MEIS2: variants seen among roughly 807,000 people sequenced by gnomAD.
MEIS2 encodes Meis homeobox 2, also known as homeobox protein Meis2.
Under a neutral mutation model 58.6 loss-of-function variants are expected in MEIS2, and 9 were observed. The observed-to-expected ratio is 0.15, with a 90% CI of 0.09 to 0.27. The LOEUF is 0.27. MEIS2 is among the 10% of genes least tolerant of loss of function. MEIS2 has a pLI of 1.00. For synonymous variants in MEIS2, 221 were observed against 228.4 expected (o/e 0.97, Z 0.29); for missense variants, 427 against 635.0 (o/e 0.67, Z 3.52).
At chr15:37,034,108 G>A (rs999085168) in intron 8 of MEIS2, among the ~76,000 whole-genome samples, 1 of 152,044 alleles carries the variant, frequency 6.6e-6, no homozygotes, top group African/African-American at 2.4e-5. Flanking sequence ...TTAGTGAAAA[G>A]CAAAAGCAAA....
intron 9 of MEIS2, among the ~76,000 whole-genome samples, chr15:36,944,369 G>C (rs1384270299): frequency 6.6e-6 from 1 of 152,066 alleles, no homozygotes; most frequent in African/African-American, 2.4e-5. Context: ...GAGACAGAAT[G>C]ACTGGAAACT....
chr15:36,892,467 TAGAG>T lies in MEIS2; in HGVS notation c.1148-12_1148-9del. 1.9e-6 allele frequency: 3 copies of T among 1,588,944 alleles called. No individual in the cohort carries two copies. The highest frequency in any genetic ancestry group is 2.2e-5 in the South Asian group (2 of 89,434). On this transcript the variant is annotated splice_polypyrimidine_tract_variant and intron_variant, in intron 11 of 11. Transcript: ENST00000561208. ...CTGGCATGCTCTGCAAACCTGAAAA[TAGAG>T]AGGGAAAAAGAAAGCGGGTCAAATT...
chr15:37,097,958 T>G lies in MEIS2; in HGVS notation c.245+9A>C. The G allele has an allele frequency of 1.9e-6, 3 of 1,566,334 alleles. No homozygotes were observed. The highest frequency in any genetic ancestry group is 1.7e-6 in the Non-Finnish European group (2 of 1,150,758). ...CACACAGTAAGCTGGGTCCGGGGGG[T>G]CAGTTTACCCATAGATCGCGTCCTT... On this transcript the variant is annotated intron_variant, in intron 2 of 11. Transcript: ENST00000561208.
At chr15:36,966,266 AG>A (rs150636450) in intron 8 of MEIS2, among the ~76,000 whole-genome samples, 2 of 152,292 alleles carry the variant, frequency 1.3e-5, no homozygotes, top group South Asian at 4.1e-4. Context: ...TAGGGGGAGA[AG>A]GGGGAAGTAA....
chr15:36,895,358 A>G, intron 10 of MEIS2, 97 bp from the exon 11 acceptor site: 1 of 1,050,250 alleles, frequency 9.5e-7, no homozygotes, highest in African/African-American at 1.6e-5. Context: ...CGTTATAGCA[A>G]CAATGTGGTT....
At chr15:36,919,526 G>C (rs975777491) in intron 9 of MEIS2, among the ~76,000 whole-genome samples, 1 of 150,562 alleles carries the variant, frequency 6.6e-6, no homozygotes, top group Non-Finnish European at 1.5e-5. Flanking sequence ...TGTGGGAGTC[G>C]AGATTGCGCC....
At chr15:36,968,913 A>T (rs936153970) in intron 8 of MEIS2, among the ~76,000 whole-genome samples, 48 of 152,238 alleles carry the variant, frequency 3.2e-4, no homozygotes, top group African/African-American at 1.1e-3. Context: ...CTCAGTAAAA[A>T]AGTATCTATT....
chr15:37,093,885 T>C, intron 5 of MEIS2, 155 bp from the exon 6 acceptor site: 1 of 884,324 alleles, frequency 1.1e-6, no homozygotes, highest in South Asian at 1.7e-5. Flanking sequence ...AAGGGTGTAA[T>C]AGTTGAAGGC....
At chr15:36,967,815 G>C (rs1370376943) in intron 8 of MEIS2, among the ~76,000 whole-genome samples, 1 of 151,964 alleles carries the variant, frequency 6.6e-6, no homozygotes, top group Non-Finnish European at 1.5e-5. Flanking sequence ...TCTATACACT[G>C]TGTTTCCCAG....
intron 8 of MEIS2, among the ~76,000 whole-genome samples, chr15:37,013,683 G>T (rs2061247034): frequency 1.3e-5 from 2 of 150,874 alleles, no homozygotes; most frequent in Non-Finnish European, 3.0e-5. Flanking sequence ...CAGAGCTTTG[G>T]CAATGAAATA....
intron 7 of MEIS2, among the ~76,000 whole-genome samples, chr15:37,039,685 G>T (rs1339852525): frequency 6.6e-6 from 1 of 152,088 alleles, no homozygotes; most frequent in Non-Finnish European, 1.5e-5. Flanking sequence ...GAAGACAGGA[G>T]CATCACATAA....
chr15:37,085,560 A>C (rs1230061060), intron 6 of MEIS2, among the ~76,000 whole-genome samples: 1 of 152,216 alleles, frequency 6.6e-6, no homozygotes, highest in African/African-American at 2.4e-5. Flanking sequence ...AATAATCCAG[A>C]GCTCTATGGA....
intron 9 of MEIS2, among the ~76,000 whole-genome samples, chr15:36,931,690 A>G (rs1307509869): frequency 6.6e-6 from 1 of 152,226 alleles, no homozygotes; most frequent in African/African-American, 2.4e-5. Context: ...CTTCCTAATT[A>G]ACGACAAATT....
chr15:36,981,704 T>C (rs2059932242), intron 8 of MEIS2, among the ~76,000 whole-genome samples: 1 of 152,128 alleles, frequency 6.6e-6, no homozygotes, highest in Admixed American at 6.5e-5. Context: ...TAATACATTA[T>C]TTCTGGGTAT....
At chr15:36,975,988 T>A (rs1484000981) in intron 8 of MEIS2, among the ~76,000 whole-genome samples, 1 of 152,254 alleles carries the variant, frequency 6.6e-6, no homozygotes, top group African/African-American at 2.4e-5. Context: ...ATACAATTTT[T>A]ATTTGTCAAT....
intron 8 of MEIS2, among the ~76,000 whole-genome samples, chr15:36,991,253 CTCT>C (rs758020523): frequency 6.6e-4 from 29 of 43,956 alleles, no homozygotes; most frequent in Non-Finnish European, 1.9e-3. Context: ...AGATTTTTCT[CTCT>C]TTTTTTTTTT....
chr15:37,008,919 C>T (rs1048146512), intron 8 of MEIS2, among the ~76,000 whole-genome samples: 2 of 152,310 alleles, frequency 1.3e-5, no homozygotes, highest in South Asian at 2.1e-4. Flanking sequence ...TATCTCCCCC[C>T]TCTTAAATTA....
chr15:37,041,472 AG>A (rs1595990739), intron 7 of MEIS2, among the ~76,000 whole-genome samples: 1 of 152,360 alleles, frequency 6.6e-6, no homozygotes, highest in East Asian at 1.9e-4. Context: ...TATGCTCTCA[AG>A]GAAGTCACGC....
intron 6 of MEIS2, among the ~76,000 whole-genome samples, chr15:37,092,778 T>C (rs1309303420): frequency 1.6e-5 from 2 of 122,412 alleles, no homozygotes; most frequent in East Asian, 2.7e-4. Flanking sequence ...GGTTCCAAAA[T>C]AGGATTAGAA....
Sources: allele counts gnomAD v4.1 joint callset (sites outside exome capture counted in the v4.1 genomes callset), GRCh38; gene constraint gnomAD v4.1.1; transcripts MANE v1.5; gene names NCBI Gene and HGNC (gene_info 2026-07-23, HGNC 2026-07-21).